GPR63: variants seen among roughly 807,000 people sequenced by gnomAD.
GPR63 encodes G protein-coupled receptor 63.
A neutral mutation model predicts 23.1 loss-of-function variants in GPR63; 12 were observed. That is an observed-to-expected ratio of 0.52 (90% CI 0.33 to 0.84). The LOEUF is 0.84. GPR63 is among the 40% of genes least tolerant of loss of function. The pLI is 0.02. For synonymous variants in GPR63, 172 were observed against 191.1 expected, an observed-to-expected ratio of 0.90 and a Z score of 0.82; for missense variants, 472 against 515.6, an observed-to-expected ratio of 0.92 and a Z score of 0.82.
At chr6:96,808,419 C>T (rs968847424) in intron 1 of GPR63, among the ~76,000 whole-genome samples, 2 of 152,106 alleles carry the variant, frequency 1.3e-5, no homozygotes, top group Admixed American at 1.3e-4. Context: ...TCCAAAGCAA[C>T]GAGATTAGTT....
At chr6:96,801,964 T>C (rs1437668878) in intron 1 of GPR63, among the ~76,000 whole-genome samples, 1 of 152,214 alleles carries the variant, frequency 6.6e-6, no homozygotes, top group African/African-American at 2.4e-5. Flanking sequence ...GACTAAAGGC[T>C]GTGCTTAATT....
intron 1 of GPR63, among the ~76,000 whole-genome samples, chr6:96,819,374 A>G (rs9386853): frequency 0.28 from 41,902 of 152,044 alleles, 6,072 homozygotes; most frequent in African/African-American, 0.36. Flanking sequence ...TTGCAGGGAC[A>G]TGAATGAAGC....
At chr6:96,811,784 G>A (rs1774049902) in intron 1 of GPR63, among the ~76,000 whole-genome samples, 1 of 151,490 alleles carries the variant, frequency 6.6e-6, no homozygotes, top group Admixed American at 6.6e-5. Context: ...TTTGAAAAAG[G>A]TGGAACCAGA....
chr6:96,809,835 T>A (rs1773995415), intron 1 of GPR63, among the ~76,000 whole-genome samples: 1 of 152,206 alleles, frequency 6.6e-6, no homozygotes, highest in Admixed American at 6.5e-5. Context: ...GACTCTCAAA[T>A]GTCCTTATCT....
chr6:96,810,964 C>A (rs1221244712), intron 1 of GPR63, among the ~76,000 whole-genome samples: 2 of 152,106 alleles, frequency 1.3e-5, no homozygotes, highest in African/African-American at 2.4e-5. Context: ...ACATATCTGA[C>A]CTAACACAAA....
rs564541892 is a variant in GPR63 at position 96,829,154 on chromosome 6, T to C, written c.-151+8114A>G. Among the ~76,000 whole-genome samples the C allele has an allele frequency of 2.6e-4, 40 of 152,294 alleles. No homozygotes were observed. The East Asian group carries it at 7.7e-3, about 29-fold the overall frequency. On this transcript the variant is annotated intron_variant, in intron 1 of 1. Coordinates refer to ENST00000229955, the MANE Select transcript of GPR63 (RefSeq NM_030784.4). ...AAAATTTTCATCTTATAGATACACA[T>C]GAAACTGCATCCAGTAGCTAGAGAA...
intron 1 of GPR63, among the ~76,000 whole-genome samples, chr6:96,816,075 TCAA>T (rs1774155851): frequency 6.6e-6 from 1 of 152,220 alleles, no homozygotes; most frequent in Non-Finnish European, 1.5e-5. Flanking sequence ...TATAATATCT[TCAA>T]ATGCATGGAT....
At chr6:96,818,889 C>T (rs1774228829) in intron 1 of GPR63, among the ~76,000 whole-genome samples, 1 of 150,950 alleles carries the variant, frequency 6.6e-6, no homozygotes, top group African/African-American at 2.4e-5. Context: ...CAAAAGAAGA[C>T]ATTTATGCAG....
At chr6:96,804,372 T>C (rs1388387288) in intron 1 of GPR63, among the ~76,000 whole-genome samples, 1 of 152,174 alleles carries the variant, frequency 6.6e-6, no homozygotes, top group Non-Finnish European at 1.5e-5. Flanking sequence ...CTTGTTTTAT[T>C]CTCTGAAAAG....
chr6:96,836,267 C>G (rs1774725818), intron 1 of GPR63, among the ~76,000 whole-genome samples: 1 of 152,056 alleles, frequency 6.6e-6, no homozygotes, highest in Non-Finnish European at 1.5e-5. Flanking sequence ...TTACATACCT[C>G]GTCAATGGAT....
intron 1 of GPR63, among the ~76,000 whole-genome samples, chr6:96,819,214 G>A (rs1157820618): frequency 6.6e-6 from 1 of 152,122 alleles, no homozygotes; most frequent in African/African-American, 2.4e-5. Flanking sequence ...AAAGACACAT[G>A]TACACATATG....
chr6:96,808,859 T>C (rs1346922103), intron 1 of GPR63, among the ~76,000 whole-genome samples: 1 of 152,156 alleles, frequency 6.6e-6, no homozygotes, highest in Non-Finnish European at 1.5e-5. Flanking sequence ...TGTGCCATGC[T>C]GGTGTGCTGC....
intron 1 of GPR63, among the ~76,000 whole-genome samples, chr6:96,818,200 G>A (rs1582265580): frequency 6.6e-6 from 1 of 151,974 alleles, no homozygotes; most frequent in Non-Finnish European, 1.5e-5. Context: ...GGTGGCTCAG[G>A]CCTGTAATCC....
At chr6:96,816,227 T>TA (rs1173734259) in intron 1 of GPR63, among the ~76,000 whole-genome samples, 6 of 152,166 alleles carry the variant, frequency 3.9e-5, no homozygotes, top group Admixed American at 6.5e-5. Context: ...CTCATTCAAG[T>TA]AAAAATGAGA....
rs1773606527 is a variant in GPR63, at chr6:96,797,199, C to A, written c.*1273G>T. 1 of 151,990 alleles carries A rather than the reference C, an allele frequency of 6.6e-6. No homozygotes were observed. Among genetic ancestry groups the A allele is most frequent in the African/African-American group, 2.4e-5 (1 of 41,354 alleles). The allele number at this position is 151,990 out of a possible 1,614,324, so 9.4% of individuals were successfully genotyped here. A position where few individuals can be genotyped will look rare whatever the true frequency, so the allele number is the denominator to read the frequency against. ...TGAGCCATGATCACACCACTGCACT[C>A]CAGCCTGGGTGGCAAAGCGAGACTC... On this transcript the variant is annotated 3_prime_UTR_variant, in exon 2 of 2. Transcript: ENST00000229955.
chr6:96,819,141 C>G (rs896518729), intron 1 of GPR63, among the ~76,000 whole-genome samples: 1 of 152,094 alleles, frequency 6.6e-6, no homozygotes, highest in Non-Finnish European at 1.5e-5. Flanking sequence ...ACCAGAAATA[C>G]CATTTGACCC....
intron 1 of GPR63, among the ~76,000 whole-genome samples, chr6:96,833,193 C>T (rs990436566): frequency 6.6e-6 from 1 of 152,148 alleles, no homozygotes; most frequent in Non-Finnish European, 1.5e-5. Flanking sequence ...AGCCCACTTA[C>T]CTGAACATTT....
chr6:96,811,522 T>C lies in GPR63; in HGVS notation c.-150-11641A>G, dbSNP rs1328123. 8.2e-3 allele frequency among the ~76,000 whole-genome samples: 1,254 copies of C among 152,334 alleles called. 8 individuals carry two copies. Among genetic ancestry groups the C allele is most frequent in the Admixed American group, 0.028 (436 of 15,300 alleles). ...CTTGAAGAGAAAAGATGTCACATCATGTTCTTCTGCTATTTGCCACACTCT... is the reference window on the plus strand; with the variant it reads ...CTTGAAGAGAAAAGATGTCACATCACGTTCTTCTGCTATTTGCCACACTCT... On this transcript the variant is annotated intron_variant, in intron 1 of 1. Transcript: ENST00000229955.
intron 1 of GPR63, among the ~76,000 whole-genome samples, chr6:96,814,511 C>T (rs999531500): frequency 5.3e-5 from 8 of 152,118 alleles, no homozygotes; most frequent in Admixed American, 3.3e-4. Context: ...AACCAAGGCT[C>T]AGAGGGCAAT....
Sources: gnomAD v4.1 joint callset for allele counts (sites outside exome capture counted in the v4.1 genomes callset) on GRCh38, gnomAD v4.1.1 for gene constraint, MANE v1.5 for transcripts, NCBI Gene and HGNC (gene_info 2026-07-23, HGNC 2026-07-21) for gene names.